The following TRPA1 variants were observed in gnomAD, a reference collection of about 807,000 sequenced individuals.
TRPA1 encodes transient receptor potential cation channel subfamily A member 1, also known as ankyrin-like with transmembrane domains 1.
Under a neutral mutation model 131.3 loss-of-function variants are expected in TRPA1, and 129 were observed. The observed-to-expected ratio is 0.98, with a 90% CI of 0.85 to 1.14. TRPA1 has a LOEUF of 1.14. TRPA1 is among the 50% of genes most tolerant of loss of function. The pLI, the probability that TRPA1 is intolerant of heterozygous loss-of-function variation, is 0.00. For missense variants in TRPA1, 1,304 were observed against 1,354.2 expected, an observed-to-expected ratio of 0.96 and a Z score of 0.58; for synonymous variants, 441 against 451.7, an observed-to-expected ratio of 0.98 and a Z score of 0.30.
upstream of TRPA1, among the ~76,000 whole-genome samples, chr8:72,076,956 A>C (rs975361728): frequency 5.9e-5 from 9 of 152,184 alleles, no homozygotes; most frequent in African/African-American, 1.9e-4. Context: ...GAGGTAATGC[A>C]TTTGGAGAAA....
chr8:72,062,739 C>T (rs765992106), intron 6 of TRPA1, 60 bp downstream of exon 6: 230 of 1,512,632 alleles, frequency 1.5e-4, no homozygotes, highest in Non-Finnish European at 1.9e-4. Flanking sequence ...AGCTATAAAG[C>T]ATTTTATATG....
In TRPA1 at chr8:72,059,424, T is replaced by A; in HGVS notation, c.959A>T (p.Asp320Val). The A allele has an allele frequency of 6.3e-7, 1 of 1,585,096 alleles. No homozygotes were observed. Among genetic ancestry groups the A allele is most frequent in the South Asian group, 1.2e-5 (1 of 86,644 alleles). Residue 320 changes from aspartate to valine, a missense_variant, in exon 8 of 27, where the codon GAT becomes GTT. Coordinates refer to ENST00000262209, the MANE Select transcript of TRPA1 (RefSeq NM_007332.3). ...ETMLHRASLF[D>V]HHELADYLIS... ...TAAATAGTCTGCTAGCTCATGGTGATCAAACAATGAAGCTCTGAAAAAACA... is the reference window on the plus strand; with the variant it reads ...TAAATAGTCTGCTAGCTCATGGTGAACAAACAATGAAGCTCTGAAAAAACA...
At chr8:72,048,373 A>T (rs961819873) in intron 15 of TRPA1, among the ~76,000 whole-genome samples, 1 of 152,094 alleles carries the variant, frequency 6.6e-6, no homozygotes, top group African/African-American at 2.4e-5. Context: ...AGAGGGTCAG[A>T]CTATATCCAG....
Position 72,063,445 on chromosome 8 carries a change from A to C in TRPA1, c.661+18T>G. The C allele has an allele frequency of 6.5e-7, 1 of 1,543,466 alleles. No homozygotes were observed. Among genetic ancestry groups the C allele is most frequent in the Middle Eastern group, 1.7e-4 (1 of 5,930 alleles). On this transcript the variant is annotated intron_variant, in intron 5 of 26. Coordinates refer to ENST00000262209, the MANE Select transcript of TRPA1 (RefSeq NM_007332.3). ...TAGACTTATTTATAGTATATAACAT[A>C]GAAAAGCCTCAACTCACCAAACCTT... is the stretch of plus-strand genomic sequence containing the variant.
intron 25 of TRPA1, among the ~76,000 whole-genome samples, chr8:72,024,641 G>T (rs534386144): frequency 6.6e-6 from 1 of 152,130 alleles, no homozygotes; most frequent in Non-Finnish European, 1.5e-5. Flanking sequence ...GTCAGGAGAG[G>T]GTGAAACGTG....
In TRPA1 at chr8:72,029,986, A is replaced by C; in HGVS notation, c.2869-17T>G. On this transcript the variant is annotated splice_polypyrimidine_tract_variant and intron_variant, in intron 23 of 26. Coordinates refer to ENST00000262209, the MANE Select transcript of TRPA1 (RefSeq NM_007332.3). The stretch of plus-strand genomic sequence containing the variant: ...CAAACCAATCTGAAGTATGACACAA[A>C]ATTAAATCACTACAGTTGAATGGTC... 6.2e-7 allele frequency: 1 copy of C among 1,610,678 alleles called. No individual in the cohort carries two copies. Among genetic ancestry groups the C allele is most frequent in the Non-Finnish European group, 8.5e-7 (1 of 1,176,950 alleles).
chr8:72,082,335 G>A, the TRPA1 span, among the ~76,000 whole-genome samples: 1 of 151,926 alleles, frequency 6.6e-6, no homozygotes, highest in Non-Finnish European at 1.5e-5. Flanking sequence ...AAAATAGTGT[G>A]TTATAATTCT....
intron 2 of TRPA1, among the ~76,000 whole-genome samples, chr8:72,069,963 G>A (rs1042053771): frequency 1.3e-5 from 2 of 152,102 alleles, no homozygotes; most frequent in African/African-American, 4.8e-5. Context: ...TAAACCACAG[G>A]ACTAGAATTT....
At chr8:72,036,146 A>T in intron 21 of TRPA1, 142 bp downstream of exon 21, 1 of 812,060 alleles carries the variant, frequency 1.2e-6, no homozygotes, top group Non-Finnish European at 2.0e-6. Flanking sequence ...GCCTTTCCTT[A>T]ATAGGGTATA....
At chr8:72,036,531 C>A in intron 20 of TRPA1, 74 bp from the exon 21 acceptor site, 2 of 1,377,010 alleles carry the variant, frequency 1.5e-6, no homozygotes, top group Admixed American at 1.9e-5. Context: ...ACATGCACCC[C>A]GTAATACAAT....
At chr8:72,038,453 G>C (rs1459849274) in intron 19 of TRPA1, among the ~76,000 whole-genome samples, 1 of 151,964 alleles carries the variant, frequency 6.6e-6, no homozygotes, top group African/African-American at 2.4e-5. Flanking sequence ...TATATTCACA[G>C]TGTTATACCA....
In TRPA1 at chr8:72,033,737, T is replaced by C. The variant is rs267601986; in HGVS notation, c.2775A>G (p.Pro925=). The change falls in exon 23 of 27, where the codon CCA becomes CCG. Residue 925 remains proline (P), a synonymous_variant. Transcript: ENST00000262209. ...DINYRESFLE[P]YLRNELAHPV... is the part of the protein sequence containing the mutation. ...GATGTGCCAATTCATTTCTCAGATA[T>C]GGTTCTAGGAAGGACTCTCGATAAT... The C allele has an allele frequency of 1.9e-6, 3 of 1,613,968 alleles. No individual in the cohort carries two copies. In the African/African-American group the frequency reaches 4.0e-5, roughly 22 times the overall value.
Position 72,021,996 on chromosome 8 carries a change from C to G in TRPA1, c.*910G>C, listed in dbSNP as rs1214369619. The G allele has an allele frequency of 6.6e-6, 1 of 152,046 alleles. No homozygotes were observed. The highest frequency in any genetic ancestry group is 6.6e-5 in the Admixed American group (1 of 15,258). 9.4% of individuals were successfully genotyped at this position (152,046 alleles called of 1,614,324 possible). On this transcript the variant is annotated 3_prime_UTR_variant, in exon 27 of 27. Transcript: ENST00000262209. ...GACATATTCATTACAGTGAATATCTCCTGGGGGTAGTGAGGGAATAAACAT... is the reference window on the plus strand; with the variant it reads ...GACATATTCATTACAGTGAATATCTGCTGGGGGTAGTGAGGGAATAAACAT...
chr8:72,067,347 A>G (rs1805956459), intron 3 of TRPA1, among the ~76,000 whole-genome samples: 1 of 152,118 alleles, frequency 6.6e-6, no homozygotes, highest in African/African-American at 2.4e-5. Flanking sequence ...GAGTCTGAAA[A>G]TATTTTTACA....
At chr8:72,063,000 G>GT in intron 5 of TRPA1, 56 bp from the exon 6 acceptor site, 1 of 1,508,716 alleles carries the variant, frequency 6.6e-7, no homozygotes. Context: ...TAATAGGGAG[G>GT]TTTTTTGTTA....
chr8:72,032,472 A>G (rs1563383043), intron 23 of TRPA1, among the ~76,000 whole-genome samples: 1 of 152,232 alleles, frequency 6.6e-6, no homozygotes, highest in Non-Finnish European at 1.5e-5. Flanking sequence ...TGATCTTAGT[A>G]GGATGACTAG....
chr8:72,085,383 A>G, the TRPA1 span, among the ~76,000 whole-genome samples: 1 of 152,208 alleles, frequency 6.6e-6, no homozygotes, highest in Non-Finnish European at 1.5e-5. Flanking sequence ...TGGAATTGAC[A>G]GTTTAGTCAT....
chr8:72,078,459 C>G (rs1806229965), upstream of TRPA1, among the ~76,000 whole-genome samples: 1 of 152,122 alleles, frequency 6.6e-6, no homozygotes, highest in Non-Finnish European at 1.5e-5. Flanking sequence ...CTTTCTATCT[C>G]TATAGTTTAG....
the TRPA1 span, among the ~76,000 whole-genome samples, chr8:72,082,521 T>C: frequency 4.6e-5 from 7 of 152,092 alleles, no homozygotes; most frequent in Admixed American, 4.6e-4. Flanking sequence ...GAAGGATTTC[T>C]TTTAGAACAT....
Sources: allele counts gnomAD v4.1 joint callset (sites outside exome capture counted in the v4.1 genomes callset), GRCh38; gene constraint gnomAD v4.1.1; transcripts MANE v1.5; gene names NCBI Gene and HGNC (gene_info 2026-07-23, HGNC 2026-07-21).